Variants in NRTN observed in about 807,000 individuals in gnomAD.
NRTN encodes prepro-neurturin.
Under a neutral mutation model 7.5 loss-of-function variants are expected in NRTN, and 3 were observed. That is an observed-to-expected ratio of 0.40 (90% CI 0.18 to 1.03). The LOEUF is 1.03. NRTN is among the 50% of genes least tolerant of loss of function. NRTN has a pLI of 0.34. For missense variants in NRTN, 310 were observed against 307.0 expected (o/e 1.01, Z -0.07); for synonymous variants, 157 against 146.6 (o/e 1.07, Z -0.51).
intron 1 of NRTN, among the ~76,000 whole-genome samples, chr19:5,818,141 T>C (rs978811650): frequency 2.0e-5 from 3 of 151,996 alleles, no homozygotes; most frequent in Non-Finnish European, 4.4e-5. Context: ...TTTTTGTATT[T>C]TTAGTAGAGA....
In NRTN at chr19:5,806,805, C is replaced by T. The variant is rs1402078944; in HGVS notation, c.-399+1354C>T. On this transcript the variant is annotated intron_variant, in intron 1 of 2. Transcript: ENST00000303212. This position sits in a 1 kb window ranked among gnomAD's most constrained non-coding sequence, Gnocchi z 5.4. ...GCACTGGCCCCTCGGCGTTTCAGGT[C>T]CCAGTTTTCAGGGAGCGAACAGAGG... Among the ~76,000 whole-genome samples the T allele has an allele frequency of 6.6e-6, 1 of 152,194 alleles. No individual in the cohort carries two copies. Among genetic ancestry groups the T allele is most frequent in the African/African-American group, 2.4e-5 (1 of 41,434 alleles).
intron 1 of NRTN, among the ~76,000 whole-genome samples, chr19:5,815,046 C>T (rs755217429): frequency 6.6e-6 from 1 of 152,220 alleles, no homozygotes; most frequent in Non-Finnish European, 1.5e-5. Context: ...CTCCTGAGTC[C>T]CCCGGCCCCA....
chr19:5,827,939 G>A lies in NRTN; in HGVS notation c.360G>A (p.Ala120=), dbSNP rs1456384539. The part of the protein sequence containing the change: ...VRVSELGLGY[A]SDETVLFRYC... Reference sequence around the variant, plus strand: ...TGAGCGAGCTGGGCCTGGGCTACGCGTCCGACGAGACGGTGCTGTTCCGCT... The same window carrying A: ...TGAGCGAGCTGGGCCTGGGCTACGCATCCGACGAGACGGTGCTGTTCCGCT... Residue 120 remains alanine (A), a synonymous_variant, in exon 3 of 3, where the codon GCG becomes GCA. Transcript: ENST00000303212. 1.3e-6 allele frequency: 2 copies of A among 1,485,220 alleles called. No homozygotes were observed. Among genetic ancestry groups the A allele is most frequent in the African/African-American group, 2.9e-5 (2 of 69,154 alleles). The allele number at this position is 1,485,220 out of a possible 1,614,324, so 92.0% of individuals were successfully genotyped here.
In NRTN at chr19:5,828,188, G is replaced by C; in HGVS notation, c.*15G>C. ...CCTGCGTGTGACCCTACCTCACTCGGCCGGCGCGGCGGCCACTCCCCCCGC... is the reference window on the plus strand; with the variant it reads ...CCTGCGTGTGACCCTACCTCACTCGCCCGGCGCGGCGGCCACTCCCCCCGC... On this transcript the variant is annotated 3_prime_UTR_variant, in exon 3 of 3. Transcript: ENST00000303212. 6.5e-7 allele frequency: 1 copy of C among 1,528,878 alleles called. No homozygotes were observed. The highest frequency in any genetic ancestry group is 2.5e-5 in the East Asian group (1 of 40,358). 94.7% of individuals were successfully genotyped at this position (1,528,878 alleles called of 1,614,324 possible).
intron 2 of NRTN, among the ~76,000 whole-genome samples, chr19:5,826,632 C>T (rs773573396): frequency 4.7e-4 from 72 of 152,182 alleles, no homozygotes; most frequent in Non-Finnish European, 3.2e-4. Context: ...TAAAGATTTC[C>T]TCTCCCAACC....
chr19:5,820,738 GAAAAA>G (rs869276836), intron 1 of NRTN, among the ~76,000 whole-genome samples: 2 of 39,070 alleles, frequency 5.1e-5, no homozygotes, highest in Non-Finnish European at 1.1e-4. Context: ...TCTGTCTCAA[GAAAAA>G]AAAAAAAAAA....
At chr19:5,819,816 C>T (rs111395579) in intron 1 of NRTN, among the ~76,000 whole-genome samples, 22,372 of 151,086 alleles carry the variant, frequency 0.15, 2,121 homozygotes, top group Middle Eastern at 0.28. Context: ...CACCACTGTA[C>T]TCCAGCCTGG....
rs1057213653 is a variant in NRTN, at chr19:5,806,161, C to T, written c.-399+710C>T. Among the ~76,000 whole-genome samples, 3 of 152,066 alleles carry T rather than the reference C, an allele frequency of 2.0e-5. No individual in the cohort carries two copies. The highest frequency in any genetic ancestry group is 4.4e-5 in the Non-Finnish European group (3 of 68,012). ...CTGCACGGGGATAGCCCCGAATTGT[C>T]CCAGGAGGTGGTTTGTGGATTAGGA... On this transcript the variant is annotated intron_variant, in intron 1 of 2. Transcript: ENST00000303212. This position sits in a 1 kb window ranked among gnomAD's most constrained non-coding sequence, Gnocchi z 5.4.
chr19:5,827,394 G>A (rs189158813), intron 2 of NRTN, among the ~76,000 whole-genome samples: 339 of 152,214 alleles, frequency 2.2e-3, no homozygotes, highest in African/African-American at 7.4e-3. Flanking sequence ...GGGGCCCAGA[G>A]GAGGTGAGTT....
chr19:5,826,171 A>G (rs551137161), intron 2 of NRTN, among the ~76,000 whole-genome samples: 1 of 152,210 alleles, frequency 6.6e-6, no homozygotes, highest in South Asian at 2.1e-4. Context: ...TTTATATGGA[A>G]TTCAGATTTA....
chr19:5,814,112 G>A (rs1319543435), intron 1 of NRTN, among the ~76,000 whole-genome samples: 2 of 152,270 alleles, frequency 1.3e-5, no homozygotes, highest in African/African-American at 2.4e-5. Flanking sequence ...AGGCAAAAGT[G>A]TGCAGACTTG....
chr19:5,816,950 A>G (rs2057006934), intron 1 of NRTN, among the ~76,000 whole-genome samples: 1 of 152,202 alleles, frequency 6.6e-6, no homozygotes, highest in South Asian at 2.1e-4. Flanking sequence ...TAGTGGATTC[A>G]TGCGGTGGTG....
At chr19:5,823,505 C>A (rs1007253228) in intron 1 of NRTN, among the ~76,000 whole-genome samples, 2 of 152,180 alleles carry the variant, frequency 1.3e-5, no homozygotes, top group Admixed American at 1.3e-4. Context: ...CCTATCTGTG[C>A]AAAAGCCCAG....
intron 2 of NRTN, among the ~76,000 whole-genome samples, 170 bp downstream of exon 2, chr19:5,824,504 G>C (rs1009187777): frequency 6.6e-6 from 1 of 152,214 alleles, no homozygotes; most frequent in Non-Finnish European, 1.5e-5. Flanking sequence ...TCAGGGCAAG[G>C]CATGGTGGCG....
At chr19:5,807,793 A>G (rs2056978738) in intron 1 of NRTN, among the ~76,000 whole-genome samples, 1 of 152,238 alleles carries the variant, frequency 6.6e-6, no homozygotes, top group African/African-American at 2.4e-5. Flanking sequence ...GGAGATGGAA[A>G]AGATGATGGC....
chr19:5,822,142 TG>T (rs1464935102), intron 1 of NRTN, among the ~76,000 whole-genome samples: 1 of 151,212 alleles, frequency 6.6e-6, no homozygotes, highest in Non-Finnish European at 1.5e-5. Flanking sequence ...GTGAGTGGGG[TG>T]GGGAAGGGGT....
intron 1 of NRTN, among the ~76,000 whole-genome samples, chr19:5,812,172 G>GTTATTATTATTA (rs58005663): frequency 2.0e-5 from 3 of 149,852 alleles, no homozygotes; most frequent in African/African-American, 7.5e-5. Flanking sequence ...GCCGGGCCCA[G>GTTATTATTATTA]TTATTATTAT....
At chr19:5,817,736 A>C (rs116368629) in intron 1 of NRTN, among the ~76,000 whole-genome samples, 4,613 of 152,190 alleles carry the variant, frequency 0.03, 79 homozygotes, top group Middle Eastern at 0.061. Flanking sequence ...TGTGAGGACA[A>C]CCCAGGATGT....
intron 1 of NRTN, among the ~76,000 whole-genome samples, chr19:5,822,818 T>C (rs2057030155): frequency 6.6e-6 from 1 of 150,624 alleles, no homozygotes; most frequent in South Asian, 2.1e-4. Context: ...CTGGGCAACG[T>C]TGTGAGATTC....
Sources: allele counts gnomAD v4.1 joint callset (sites outside exome capture counted in the v4.1 genomes callset), GRCh38; gene constraint gnomAD v4.1.1; non-coding constraint Gnocchi (gnomAD v3.1); transcripts MANE v1.5; gene names NCBI Gene and HGNC (gene_info 2026-07-23, HGNC 2026-07-21).